Variants in NAALADL2 observed in about 807,000 individuals in gnomAD.
The protein encoded by NAALADL2 is inactive N-acetylated-alpha-linked acidic dipeptidase-like protein 2.
NAALADL2 carries 76 observed loss-of-function variants against 87.2 expected under a neutral mutation model. The observed-to-expected ratio is 0.87, with a 90% CI of 0.72 to 1.05. The LOEUF is 1.05. NAALADL2 is among the 50% of genes least tolerant of loss of function. NAALADL2 has a pLI of 0.00. For missense variants in NAALADL2, 1,089 were observed against 945.8 expected, an observed-to-expected ratio of 1.15 and a Z score of -1.99; for synonymous variants, 354 against 331.0, an observed-to-expected ratio of 1.07 and a Z score of -0.75.
chr3:174,769,299 T>C lies in NAALADL2; in HGVS notation c.-9+31553T>C, dbSNP rs571218797. On this transcript the variant is annotated intron_variant, in intron 3 of 3. Coordinates refer to the NAALADL2 transcript ENST00000434257. ...AAACCTTGTTGTTCAGGTATAGTTT[T>C]TTTTCTGTTTTTCTTTTTTCACCTG... Among the ~76,000 whole-genome samples the C allele has an allele frequency of 1.8e-4, 28 of 152,144 alleles. 2 individuals are homozygous for C. The South Asian group carries it at 5.8e-3, about 32-fold the overall frequency.
intron 3 of NAALADL2, among the ~76,000 whole-genome samples, chr3:174,791,489 T>G (rs2109203617): frequency 6.6e-6 from 1 of 152,336 alleles, no homozygotes; most frequent in African/African-American, 2.4e-5. Context: ...TGGGCTTTGA[T>G]TCTTGCTTTT....
chr3:175,718,359 C>A, intron 11 of NAALADL2: 1 of 1,602,544 alleles, frequency 6.2e-7, no homozygotes, highest in African/African-American at 1.3e-5. Flanking sequence ...CACTGATATG[C>A]TCTTGGGTCC....
chr3:175,605,444 G>A (rs1305909361), intron 10 of NAALADL2, among the ~76,000 whole-genome samples: 2 of 152,054 alleles, frequency 1.3e-5, no homozygotes, highest in Admixed American at 1.3e-4. Flanking sequence ...ATAAAATTAT[G>A]TATTTATGTA....
At chr3:174,797,420 T>C (rs1430066326) in intron 3 of NAALADL2, among the ~76,000 whole-genome samples, 1 of 148,522 alleles carries the variant, frequency 6.7e-6, no homozygotes, top group African/African-American at 2.5e-5. Context: ...CAAGCGATTC[T>C]CCTGTCTCAG....
chr3:174,834,493 G>C (rs1723107419), intron 3 of NAALADL2, among the ~76,000 whole-genome samples: 1 of 151,952 alleles, frequency 6.6e-6, no homozygotes, highest in Non-Finnish European at 1.5e-5. Context: ...AATAGAGTTT[G>C]AAAAGAAGCA....
In NAALADL2 at chr3:174,962,381, T is replaced by TATATATATATGTCATAGTGACTATGAC. The variant is rs1742180129; in HGVS notation, c.43+102941_43+102942insGTCATAGTGACTATGACATATATATAT. On this transcript the variant is annotated intron_variant, in intron 1 of 13. Coordinates refer to ENST00000454872, the MANE Select transcript of NAALADL2 (RefSeq NM_207015.3). ...TCATAGTGACTATGACATATATATA[T>TATATATATATGTCATAGTGACTATGAC]ATATATATATATATGTCATAGTGAC... Among the ~76,000 whole-genome samples, 17 of 114,848 alleles carry TATATATATATGTCATAGTGACTATGAC rather than the reference T, an allele frequency of 1.5e-4. 2 individuals carry two copies. Among genetic ancestry groups the TATATATATATGTCATAGTGACTATGAC allele is most frequent in the African/African-American group, 8.2e-4 (17 of 20,796 alleles). 75.3% of individuals were successfully genotyped at this position (114,848 alleles called of 152,430 possible). A position where few individuals can be genotyped will look rare whatever the true frequency, so the allele number is the denominator to read the frequency against.
intron 4 of NAALADL2, among the ~76,000 whole-genome samples, chr3:175,318,529 T>C (rs1416762801): frequency 6.6e-6 from 1 of 152,182 alleles, no homozygotes; most frequent in African/African-American, 2.4e-5. Flanking sequence ...TAAAAAGTAA[T>C]ACAGAATACT....
intron 5 of NAALADL2, among the ~76,000 whole-genome samples, chr3:175,399,381 C>T (rs1560491522): frequency 1.3e-5 from 2 of 151,788 alleles, no homozygotes; most frequent in Non-Finnish European, 2.9e-5. Flanking sequence ...GTCCCAGCCT[C>T]ATTTGTGCCA....
chr3:175,580,777 G>T (rs1417106831), intron 10 of NAALADL2, among the ~76,000 whole-genome samples: 1 of 151,874 alleles, frequency 6.6e-6, no homozygotes, highest in African/African-American at 2.4e-5. Context: ...CTTACAATAT[G>T]GTATTTAGAT....
intron 2 of NAALADL2, among the ~76,000 whole-genome samples, chr3:175,195,689 C>A (rs1426408302): frequency 6.6e-6 from 1 of 151,896 alleles, no homozygotes; most frequent in African/African-American, 2.4e-5. Context: ...GCTCAAAGAT[C>A]ATCTATCAGA....
At chr3:175,300,755 TTTTATTTATTTA>T (rs548300066) in intron 4 of NAALADL2, among the ~76,000 whole-genome samples, 22 of 146,378 alleles carry the variant, frequency 1.5e-4, no homozygotes, top group African/African-American at 3.0e-4. Flanking sequence ...ATTTATTTAT[TTTTATTTATTTA>T]TTTATTTATT....
At chr3:175,579,209 A>G (rs1404882895) in intron 10 of NAALADL2, among the ~76,000 whole-genome samples, 3 of 148,888 alleles carry the variant, frequency 2.0e-5, no homozygotes, top group African/African-American at 7.3e-5. Flanking sequence ...TTATCTATCT[A>G]TCTATCTATC....
chr3:175,291,053 A>G (rs756533709), intron 4 of NAALADL2, among the ~76,000 whole-genome samples: 1 of 152,180 alleles, frequency 6.6e-6, no homozygotes, highest in Non-Finnish European at 1.5e-5. Flanking sequence ...AAGCATTGTA[A>G]TTAACTATTT....
chr3:174,933,155 T>C (rs915614916), intron 1 of NAALADL2, among the ~76,000 whole-genome samples: 3 of 152,196 alleles, frequency 2.0e-5, no homozygotes, highest in Admixed American at 2.0e-4. Flanking sequence ...TATCTGCCTG[T>C]TGACTCTGCT....
Position 175,755,235 on chromosome 3 carries a change from CTCA to C in NAALADL2, c.2010_2012del (p.His670del), listed in dbSNP as rs938719110. 5 of 1,612,772 alleles carry C rather than the reference CTCA, an allele frequency of 3.1e-6. No individual in the cohort carries two copies. Among genetic ancestry groups the C allele is most frequent in the African/African-American group, 2.7e-5 (2 of 74,894 alleles). On this transcript the variant is annotated inframe_deletion, in exon 13 of 14. Coordinates refer to ENST00000454872, the MANE Select transcript of NAALADL2 (RefSeq NM_207015.3). The stretch of plus-strand genomic sequence containing the variant: ...TCTTCACCAGGTGATCAACCCAACA[CTCA>C]TCAACTGTTAGCCATGGCGTTACGC...
intron 9 of NAALADL2, among the ~76,000 whole-genome samples, chr3:175,490,526 A>G (rs1582106151): frequency 6.7e-6 from 1 of 149,502 alleles, no homozygotes; most frequent in African/African-American, 2.5e-5. Context: ...AGCTGGGACT[A>G]CAGGCACCCG....
chr3:175,525,728 A>G (rs910944080), intron 9 of NAALADL2, among the ~76,000 whole-genome samples: 16 of 152,256 alleles, frequency 1.1e-4, no homozygotes, highest in Admixed American at 2.0e-4. Flanking sequence ...ATGTTTTCCT[A>G]TAACATTTGA....
chr3:175,803,056 A>G lies in NAALADL2; in HGVS notation c.2241A>G (p.Ile747Met), dbSNP rs1403799375. 4 of 1,612,296 alleles carry G rather than the reference A, an allele frequency of 2.5e-6. No homozygotes were observed. The highest frequency in any genetic ancestry group is 1.7e-5 in the Admixed American group (1 of 59,756). Reference protein sequence around the residue: ...DEKTSRFSILIEAWEHCKPLA... With the variant: ...DEKTSRFSILMEAWEHCKPLA... ...AGACAAGCCGGTTTTCAATACTTATAGAGGCTTGGGAACACTGCAAACCCC... is the reference window on the plus strand; with the variant it reads ...AGACAAGCCGGTTTTCAATACTTATGGAGGCTTGGGAACACTGCAAACCCC... The change falls in exon 14 of 14, where the codon ATA (isoleucine) becomes ATG (methionine). Residue 747 changes from isoleucine to methionine, a missense_variant. Physicochemically the swap from Ile to Met is conservative, Grantham distance 10 (BLOSUM62 1). Transcript: ENST00000454872.
intron 1 of NAALADL2, among the ~76,000 whole-genome samples, chr3:174,992,611 C>A (rs939382596): frequency 2.0e-5 from 3 of 151,822 alleles, no homozygotes; most frequent in Non-Finnish European, 4.4e-5. Context: ...CAGATTATTC[C>A]TTGACTTTAT....
Sources: allele counts gnomAD v4.1 joint callset (sites outside exome capture counted in the v4.1 genomes callset), GRCh38; gene constraint gnomAD v4.1.1; transcripts MANE v1.5; gene names NCBI Gene and HGNC (gene_info 2026-07-23, HGNC 2026-07-21).